The following CLDN14 variants were observed in gnomAD, a reference collection of about 807,000 sequenced individuals.
The protein encoded by CLDN14 is claudin-14.
CLDN14 carries 2 observed loss-of-function variants against 2.1 expected under a neutral mutation model. The ratio of observed to expected loss-of-function variants is 0.96; its 90% CI spans 0.39 to 3.01. The LOEUF is 3.01. CLDN14 is among the 30% of genes most tolerant of loss of function. The pLI is 0.09. For synonymous variants in CLDN14, 136 were observed against 154.4 expected (o/e 0.88, Z 0.88); for missense variants, 298 against 328.0 (o/e 0.91, Z 0.71).
At chr21:36,468,367 G>A (rs1189762457) in intron 1 of CLDN14, among the ~76,000 whole-genome samples, 15 of 152,114 alleles carry the variant, frequency 9.9e-5, no homozygotes, top group Admixed American at 7.2e-4. Context: ...ACCTGAGGTC[G>A]GGAGTTTGAG....
intron 1 of CLDN14, among the ~76,000 whole-genome samples, chr21:36,571,106 C>T (rs751147971): frequency 6.6e-6 from 1 of 152,256 alleles, no homozygotes; most frequent in Non-Finnish European, 1.5e-5. Flanking sequence ...TCCGAAAGTG[C>T]TGGGATTACA....
At position 36,530,617 on chromosome 21, in the gene CLDN14, A is replaced by C. The variant is rs1019967007; in HGVS notation, c.-219-20117T>G. Among the ~76,000 whole-genome samples the C allele has an allele frequency of 2.0e-5, 3 of 152,254 alleles. No homozygotes were observed. In the East Asian group the frequency reaches 5.8e-4, roughly 29 times the overall value. ...TAACAAAGACAGTAAGTGAAACCCA[A>C]GCCACAACAGATACAAGCATAGGTT... On this transcript the variant is annotated intron_variant, in intron 1 of 2. Transcript: ENST00000342108.
chr21:36,548,153 C>T (rs1286386169), intron 1 of CLDN14, among the ~76,000 whole-genome samples: 2 of 152,092 alleles, frequency 1.3e-5, no homozygotes, highest in Non-Finnish European at 1.5e-5. Flanking sequence ...CTCCTCTTTT[C>T]CTTGTTACCT....
chr21:36,574,321 A>C (rs2146531515), intron 1 of CLDN14, among the ~76,000 whole-genome samples: 1 of 152,330 alleles, frequency 6.6e-6, no homozygotes, highest in East Asian at 1.9e-4. Context: ...TTTTGTAATA[A>C]ATTTTGCTAG....
At chr21:36,470,043 AAAC>A (rs1225516398) in intron 1 of CLDN14, among the ~76,000 whole-genome samples, 4 of 152,328 alleles carry the variant, frequency 2.6e-5, no homozygotes, top group African/African-American at 7.2e-5. Context: ...ACAAAAACAA[AAAC>A]AACAACAAAA....
intron 1 of CLDN14, among the ~76,000 whole-genome samples, chr21:36,476,276 G>A (rs1432847549): frequency 3.9e-5 from 6 of 152,112 alleles, no homozygotes; most frequent in Non-Finnish European, 4.4e-5. Context: ...TTGGGGGGGT[G>A]GTTCTTTATT....
At chr21:36,497,303 GAGGGAGGA>G (rs2087040396) in intron 2 of CLDN14, among the ~76,000 whole-genome samples, 2 of 25,836 alleles carry the variant, frequency 7.7e-5, no homozygotes, top group African/African-American at 1.4e-4. Context: ...GGGAGGGAGG[GAGGGAGGA>G]AGGAAGGGAG....
At chr21:36,496,204 G>A (rs1421775949) in intron 2 of CLDN14, among the ~76,000 whole-genome samples, 2 of 152,120 alleles carry the variant, frequency 1.3e-5, no homozygotes, top group East Asian at 3.8e-4. Flanking sequence ...GGGAGGCTGA[G>A]GAAGGAGGAT....
chr21:36,489,193 GGAGAGAGAGAGAGAAAGAGAGAGA>G (rs2146460737), intron 2 of CLDN14, among the ~76,000 whole-genome samples: 1 of 140,276 alleles, frequency 7.1e-6, no homozygotes, highest in African/African-American at 2.7e-5. Flanking sequence ...ATGGGGGGCG[GGAGAGAGAGAGAGAAAGAGAGAGA>G]GAGAGAGAGA....
Position 36,552,314 on chromosome 21 carries a change from C to T in CLDN14, c.-220+24097G>A, listed in dbSNP as rs79034657. 2.5e-4 allele frequency among the ~76,000 whole-genome samples: 38 copies of T among 152,332 alleles called. No homozygotes were observed. The East Asian group carries it at 6.6e-3, about 26-fold the overall frequency. The stretch of plus-strand genomic sequence containing the variant: ...GTTCTGGCAACTGCAAAGACGCATG[C>T]ACTTTTGCTGCCTATCTTAACAGAC... On this transcript the variant is annotated intron_variant, in intron 1 of 2. Transcript: ENST00000342108.
chr21:36,501,677 C>T (rs2087093621), intron 2 of CLDN14, among the ~76,000 whole-genome samples: 1 of 152,142 alleles, frequency 6.6e-6, no homozygotes, highest in African/African-American at 2.4e-5. Context: ...CAAACTCACA[C>T]GTTCAACCCA....
chr21:36,509,549 C>T (rs893276552), intron 2 of CLDN14, among the ~76,000 whole-genome samples: 2 of 152,142 alleles, frequency 1.3e-5, no homozygotes, highest in Non-Finnish European at 2.9e-5. Flanking sequence ...ACAGAAATTC[C>T]TTCTCCCTGA....
chr21:36,562,500 G>C (rs1312471756), intron 1 of CLDN14, among the ~76,000 whole-genome samples: 1 of 152,118 alleles, frequency 6.6e-6, no homozygotes, highest in Admixed American at 6.5e-5. Flanking sequence ...AAATATTCCT[G>C]AGGAAAAGGA....
chr21:36,463,595 C>T (rs927058444), intron 1 of CLDN14, among the ~76,000 whole-genome samples: 6 of 152,338 alleles, frequency 3.9e-5, no homozygotes, highest in South Asian at 4.1e-4. Flanking sequence ...CACCTGTCAT[C>T]CCAGCTACTC....
chr21:36,554,928 C>T (rs448659), intron 1 of CLDN14, among the ~76,000 whole-genome samples: 113,632 of 152,122 alleles, frequency 0.75, 43,989 homozygotes, highest in Non-Finnish European at 0.87. Flanking sequence ...CATGCCATTC[C>T]CCAAATTCTT....
chr21:36,513,288 A>G (rs1216724624), intron 1 of CLDN14, among the ~76,000 whole-genome samples: 1 of 152,122 alleles, frequency 6.6e-6, no homozygotes, highest in African/African-American at 2.4e-5. Flanking sequence ...TTTTCCTTCA[A>G]CAGGATAGCA....
intron 1 of CLDN14, among the ~76,000 whole-genome samples, chr21:36,535,720 TG>T (rs1171464760): frequency 6.6e-6 from 1 of 152,144 alleles, no homozygotes; most frequent in Non-Finnish European, 1.5e-5. Flanking sequence ...TCAGGAGTGG[TG>T]AGATCATGGG....
chr21:36,576,484 C>A (rs1285386797), exon 1 of CLDN14: 1 of 152,576 alleles, frequency 6.6e-6, no homozygotes, highest in Admixed American at 6.5e-5. Flanking sequence ...GAACATCTTA[C>A]TCCCTCTCTT....
At chr21:36,528,305 C>T (rs773397720) in intron 1 of CLDN14, among the ~76,000 whole-genome samples, 3 of 152,266 alleles carry the variant, frequency 2.0e-5, no homozygotes, top group Non-Finnish European at 4.4e-5. Flanking sequence ...TTATTGTCAC[C>T]GCAGTTCTGA....
Sources: gnomAD v4.1 joint callset for allele counts (sites outside exome capture counted in the v4.1 genomes callset) on GRCh38, gnomAD v4.1.1 for gene constraint, MANE v1.5 for transcripts, NCBI Gene and HGNC (gene_info 2026-07-23, HGNC 2026-07-21) for gene names.